ASIC2: variants seen among roughly 807,000 people sequenced by gnomAD.
ASIC2 encodes the protein acid sensing ion channel subunit 2.
Under a neutral mutation model 57.3 loss-of-function variants are expected in ASIC2, and 25 were observed. The observed-to-expected ratio is 0.44, with a 90% CI of 0.32 to 0.61. ASIC2 has a LOEUF of 0.61. ASIC2 is among the 20% of genes least tolerant of loss of function. The probability of loss-of-function intolerance (pLI) is 0.06; values close to 1 mark genes in which losing one functional copy is unlikely to be tolerated. For missense variants in ASIC2, 641 were observed against 738.1 expected, an observed-to-expected ratio of 0.87 and a Z score of 1.52; for synonymous variants, 319 against 307.5, an observed-to-expected ratio of 1.04 and a Z score of -0.39.
At chr17:33,403,533 G>A (rs11080218) in intron 1 of ASIC2, among the ~76,000 whole-genome samples, 96,801 of 152,176 alleles carry the variant, frequency 0.64, 31,209 homozygotes, top group African/African-American at 0.67. Context: ...CAAATCAAGA[G>A]ATTAAAATGT....
intron 1 of ASIC2, among the ~76,000 whole-genome samples, chr17:33,593,363 T>TAA (rs71362895): frequency 9.8e-4 from 134 of 137,070 alleles, no homozygotes; most frequent in African/African-American, 3.2e-3. Flanking sequence ...CCCTCATTGG[T>TAA]AAAAAAAAAA....
At position 33,696,766 on chromosome 17, in the gene ASIC2, A is replaced by G. The variant is rs560130678; in HGVS notation, c.555+459212T>C. Among the ~76,000 whole-genome samples the G allele has an allele frequency of 3.3e-5, 5 of 152,328 alleles. No homozygotes were observed. In the South Asian group the frequency reaches 1.0e-3, roughly 32 times the overall value. ...AATATGTATTTTTTATGTTACATGT[A>G]TTGTATACTGTATTCTTACAATAAA... On this transcript the variant is annotated intron_variant, in intron 1 of 9. Coordinates refer to the ASIC2 transcript ENST00000359872.
chr17:33,295,162 A>G (rs997283180), upstream of ASIC2, among the ~76,000 whole-genome samples: 5 of 151,130 alleles, frequency 3.3e-5, no homozygotes, highest in African/African-American at 1.2e-4. Context: ...TTTCCTAGCT[A>G]TTTCCCCCTT....
At chr17:33,611,026 G>T (rs1905390136) in intron 1 of ASIC2, among the ~76,000 whole-genome samples, 1 of 152,178 alleles carries the variant, frequency 6.6e-6, no homozygotes, top group Non-Finnish European at 1.5e-5. Flanking sequence ...TCTGGGAATT[G>T]GTGTGGTGGC....
intron 1 of ASIC2, among the ~76,000 whole-genome samples, chr17:33,555,720 C>T (rs536115576): frequency 3.3e-5 from 5 of 152,148 alleles, no homozygotes; most frequent in South Asian, 2.1e-4. Context: ...GATCAGGAAC[C>T]GAGATAAGGA....
chr17:33,877,855 C>T (rs1914591917), intron 1 of ASIC2, among the ~76,000 whole-genome samples: 1 of 152,222 alleles, frequency 6.6e-6, no homozygotes, highest in Non-Finnish European at 1.5e-5. Flanking sequence ...GGGAGGCACC[C>T]CCCAGTAGGG....
chr17:33,447,281 G>C (rs1026079691), intron 1 of ASIC2, among the ~76,000 whole-genome samples: 1 of 131,700 alleles, frequency 7.6e-6, no homozygotes, highest in Non-Finnish European at 1.7e-5. Context: ...CTGAAGAAAA[G>C]CAGAGCCAGA....
rs1421689979 is a variant in ASIC2, at chr17:33,750,627, A to G, written c.555+405351T>C. Among the ~76,000 whole-genome samples, 3 of 152,062 alleles carry G rather than the reference A, an allele frequency of 2.0e-5. No individual in the cohort carries two copies. The South Asian group carries it at 6.2e-4, about 32-fold the overall frequency. On this transcript the variant is annotated intron_variant, in intron 1 of 9. Transcript: ENST00000359872. ...GAACAGTGCCCATGACCTGCACCCT[A>G]TGTGGAGTGCACCCGGATGTCAGAG... is the stretch of plus-strand genomic sequence containing the variant.
chr17:33,124,042 G>A (rs1384840619), intron 1 of ASIC2, among the ~76,000 whole-genome samples: 1 of 152,228 alleles, frequency 6.6e-6, no homozygotes, highest in East Asian at 1.9e-4. Context: ...ACAATCCCAA[G>A]GCAGGCTGAT....
intron 1 of ASIC2, among the ~76,000 whole-genome samples, chr17:33,259,358 C>G (rs1249430087): frequency 1.3e-5 from 2 of 152,070 alleles, no homozygotes; most frequent in African/African-American, 4.8e-5. Flanking sequence ...GTCATAAAAC[C>G]CTGTAATTTA....
At chr17:33,604,623 G>A (rs1006679037) in intron 1 of ASIC2, among the ~76,000 whole-genome samples, 4 of 152,132 alleles carry the variant, frequency 2.6e-5, no homozygotes, top group Non-Finnish European at 5.9e-5. Context: ...AGTGAATTGG[G>A]TCCTCAGAGA....
At chr17:33,916,193 T>A (rs537475014) in intron 1 of ASIC2, among the ~76,000 whole-genome samples, 2 of 152,288 alleles carry the variant, frequency 1.3e-5, no homozygotes, top group South Asian at 4.1e-4. Context: ...CCAGGGTGGA[T>A]AATATGATCT....
intron 1 of ASIC2, among the ~76,000 whole-genome samples, chr17:34,098,081 G>A (rs1910610342): frequency 6.6e-6 from 1 of 152,152 alleles, no homozygotes; most frequent in African/African-American, 2.4e-5. Context: ...GGGTGTCAGG[G>A]GCGGGTTTGG....
chr17:33,662,587 T>C (rs773826744), intron 1 of ASIC2, among the ~76,000 whole-genome samples: 43 of 151,302 alleles, frequency 2.8e-4, no homozygotes, highest in Non-Finnish European at 3.5e-4. Context: ...CATGCCACTG[T>C]ACTCCAGCCT....
intron 1 of ASIC2, among the ~76,000 whole-genome samples, chr17:33,756,724 C>A (rs1170857892): frequency 6.6e-6 from 1 of 152,166 alleles, no homozygotes; most frequent in Non-Finnish European, 1.5e-5. Context: ...AAAGAGAAAT[C>A]TTCAAGGTAA....
At chr17:34,142,475 A>G (rs1327550982) in intron 1 of ASIC2, among the ~76,000 whole-genome samples, 2 of 152,232 alleles carry the variant, frequency 1.3e-5, no homozygotes, top group East Asian at 1.9e-4. Context: ...CTACTGTGCT[A>G]TGTAGTTTAC....
At chr17:33,731,255 G>C (rs1319712261) in intron 1 of ASIC2, among the ~76,000 whole-genome samples, 1 of 152,114 alleles carries the variant, frequency 6.6e-6, no homozygotes, top group African/African-American at 2.4e-5. Flanking sequence ...GTGTTTTTTG[G>C]GAAGTAGACA....
At chr17:33,548,346 T>C (rs933786673) in intron 1 of ASIC2, among the ~76,000 whole-genome samples, 5 of 152,220 alleles carry the variant, frequency 3.3e-5, no homozygotes, top group African/African-American at 1.2e-4. Context: ...AATTATCACA[T>C]TTCGTTCCCC....
At chr17:33,759,363 T>C (rs1041572841) in intron 1 of ASIC2, among the ~76,000 whole-genome samples, 4 of 152,152 alleles carry the variant, frequency 2.6e-5, no homozygotes, top group African/African-American at 9.7e-5. Context: ...ACTTCTAACT[T>C]CTTATGGTGA....
Sources: gnomAD v4.1 joint callset for allele counts (sites outside exome capture counted in the v4.1 genomes callset) on GRCh38, gnomAD v4.1.1 for gene constraint, MANE v1.5 for transcripts, NCBI Gene and HGNC (gene_info 2026-07-23, HGNC 2026-07-21) for gene names.